FXN: variants seen among roughly 807,000 people sequenced by gnomAD.
FXN encodes frataxin, mitochondrial.
A neutral mutation model predicts 22.4 loss-of-function variants in FXN; 14 were observed. The ratio of observed to expected loss-of-function variants is 0.62; its 90% confidence interval spans 0.41 to 0.98. The LOEUF is 0.98. FXN is among the 50% of genes least tolerant of loss of function. The pLI is 0.00. For synonymous variants in FXN, 120 were observed against 114.1 expected (o/e 1.05, Z -0.33); for missense variants, 267 against 268.4 (o/e 0.99, Z 0.04).
At chr9:69,065,524 G>A (rs1832152908) in intron 4 of FXN, among the ~76,000 whole-genome samples, 1 of 140,806 alleles carries the variant, frequency 7.1e-6, no homozygotes, top group Admixed American at 7.5e-5. Flanking sequence ...CTGGGCAACA[G>A]GGCCAGACCC....
chr9:69,054,704 A>C (rs1421606524), intron 3 of FXN, among the ~76,000 whole-genome samples: 2 of 152,138 alleles, frequency 1.3e-5, no homozygotes, highest in East Asian at 3.9e-4. Flanking sequence ...ACAGTGTTTC[A>C]CCACGTTGGC....
At chr9:69,068,745 G>T (rs977682557) in intron 4 of FXN, among the ~76,000 whole-genome samples, 14 of 152,200 alleles carry the variant, frequency 9.2e-5, no homozygotes, top group African/African-American at 3.4e-4. Context: ...GCCAAGATGC[G>T]GCCAGCACCT....
At chr9:69,062,631 A>G (rs1832094712) in intron 3 of FXN, among the ~76,000 whole-genome samples, 1 of 152,084 alleles carries the variant, frequency 6.6e-6, no homozygotes, top group African/African-American at 2.4e-5. Context: ...CAGAAACACC[A>G]CCATAAATGT....
Position 69,053,209 on chromosome 9 carries a change from A to G in FXN, c.333A>G (p.Glu111=). Residue 111 remains glutamate (E), a synonymous_variant, in exon 3 of 5, where the codon GAA becomes GAG. Coordinates refer to ENST00000484259, the MANE Select transcript of FXN (RefSeq NM_000144.5). ...ETLDSLAEFF[E]DLADKPYTFE... Reference sequence around the variant, plus strand: ...TGGACTCTTTAGCAGAGTTTTTTGAAGACCTTGCAGACAAGCCATACACGT... The same window carrying G: ...TGGACTCTTTAGCAGAGTTTTTTGAGGACCTTGCAGACAAGCCATACACGT... 6.2e-7 allele frequency: 1 copy of G among 1,613,932 alleles called. No individual in the cohort carries two copies. The highest frequency in any genetic ancestry group is 8.5e-7 in the Non-Finnish European group (1 of 1,179,940).
chr9:69,037,440 G>C (rs1238023700), intron 1 of FXN, among the ~76,000 whole-genome samples: 1 of 151,770 alleles, frequency 6.6e-6, no homozygotes, highest in Admixed American at 6.6e-5. Flanking sequence ...ACTCCGGCCT[G>C]GGCGACAGAG....
chr9:69,074,586 A>C lies in FXN; in HGVS notation c.*1824A>C. The C allele has an allele frequency of 1.0e-6, 1 of 985,260 alleles. No homozygotes were observed. Among genetic ancestry groups the C allele is most frequent in the Non-Finnish European group, 1.2e-6 (1 of 829,850 alleles). 61.0% of individuals were successfully genotyped at this position (985,260 alleles called of 1,614,324 possible). On this transcript the variant is annotated 3_prime_UTR_variant, in exon 5 of 5. Coordinates refer to ENST00000484259, the MANE Select transcript of FXN (RefSeq NM_000144.5). Reference sequence around the variant, plus strand: ...TTAATATGTAGCAAAGGCTTTTCCAATGGGTGAATAAAAACACATTCCATT... The same window carrying C: ...TTAATATGTAGCAAAGGCTTTTCCACTGGGTGAATAAAAACACATTCCATT...
chr9:69,057,425 C>G (rs1204444858), intron 3 of FXN, among the ~76,000 whole-genome samples: 2 of 152,196 alleles, frequency 1.3e-5, no homozygotes, highest in Non-Finnish European at 2.9e-5. Flanking sequence ...GTAACCCATT[C>G]TTTCAAAGGA....
intron 3 of FXN, among the ~76,000 whole-genome samples, chr9:69,059,873 G>C (rs117950541): frequency 6.6e-6 from 1 of 152,164 alleles, no homozygotes; most frequent in Non-Finnish European, 1.5e-5. Flanking sequence ...TTTATAAGAG[G>C]ATCAATTAAA....
chr9:69,074,922 G>C lies in FXN; in HGVS notation c.*2160G>C, dbSNP rs1832339519. On this transcript the variant is annotated 3_prime_UTR_variant, in exon 5 of 5. Coordinates refer to ENST00000484259, the MANE Select transcript of FXN (RefSeq NM_000144.5). ...TATGTGTTTGCATCTTGCTTCTACT[G>C]AAAGTTTCAGTGCACCCCACTTACT... 1.0e-6 allele frequency: 1 copy of C among 985,272 alleles called. No homozygotes were observed. Among genetic ancestry groups the C allele is most frequent in the Admixed American group, 6.2e-5 (1 of 16,252 alleles). The allele number at this position is 985,272 out of a possible 1,614,324, so 61.0% of individuals were successfully genotyped here. A position where few individuals can be genotyped will look rare whatever the true frequency, so the allele number is the denominator to read the frequency against.
Position 69,078,670 on chromosome 9 carries a change from T to A in FXN, c.*5908T>A. The A allele has an allele frequency of 1.0e-6, 1 of 961,140 alleles. No individual in the cohort carries two copies. The highest frequency in any genetic ancestry group is 1.2e-6 in the Non-Finnish European group (1 of 822,532). The allele number at this position is 961,140 out of a possible 1,614,324, so 59.5% of individuals were successfully genotyped here. ...CAGCAATCCCAAATCCCCAGATCCC[T>A]AAGTGTGCTGTGCTATTTTCACGTG... On this transcript the variant is annotated 3_prime_UTR_variant, in exon 5 of 5. Transcript: ENST00000484259.
chr9:69,068,704 G>A (rs368943513), intron 4 of FXN, among the ~76,000 whole-genome samples: 2 of 152,214 alleles, frequency 1.3e-5, no homozygotes, highest in Admixed American at 6.5e-5. Context: ...GGGGAGAATC[G>A]GCCCAAGGTG....
intron 3 of FXN, among the ~76,000 whole-genome samples, chr9:69,053,710 A>C (rs898939329): frequency 6.6e-6 from 1 of 152,190 alleles, no homozygotes; most frequent in Non-Finnish European, 1.5e-5. Flanking sequence ...GTATTTGTCC[A>C]GCAGGCAGAT....
At chr9:69,054,015 G>GT (rs1047943567) in intron 3 of FXN, among the ~76,000 whole-genome samples, 26 of 151,212 alleles carry the variant, frequency 1.7e-4, no homozygotes, top group East Asian at 3.9e-4. Flanking sequence ...ATGAGAACTT[G>GT]TTTTTTTTTG....
intron 2 of FXN, 50 bp from the exon 3 acceptor site, chr9:69,053,090 A>C (rs186121774): frequency 1.3e-6 from 2 of 1,595,518 alleles, no homozygotes; most frequent in Non-Finnish European, 1.7e-6. Flanking sequence ...GATATTAATA[A>C]AATGGAAGCA....
At chr9:69,044,097 C>G (rs780563284) in intron 1 of FXN, among the ~76,000 whole-genome samples, 4 of 152,060 alleles carry the variant, frequency 2.6e-5, no homozygotes, top group Non-Finnish European at 5.9e-5. Context: ...ATATATTGAT[C>G]GATTGGTAAC....
rs761232462 is a variant in FXN at position 69,075,619 on chromosome 9, G to A, written c.*2857G>A. Reference sequence around the variant, plus strand: ...GGGAGCATCGCCTCATTTATGGTGTGGTCCAGTCATCCATGTGAAGGATGA... The same window carrying A: ...GGGAGCATCGCCTCATTTATGGTGTAGTCCAGTCATCCATGTGAAGGATGA... On this transcript the variant is annotated 3_prime_UTR_variant, in exon 5 of 5. Transcript: ENST00000484259. The A allele has an allele frequency of 7.8e-5, 77 of 985,186 alleles. No homozygotes were observed. Among genetic ancestry groups the A allele is most frequent in the Non-Finnish European group, 9.0e-5 (75 of 829,888 alleles). The allele number at this position is 985,186 out of a possible 1,614,324, so 61.0% of individuals were successfully genotyped here. A position where few individuals can be genotyped will look rare whatever the true frequency, so the allele number is the denominator to read the frequency against.
chr9:69,044,248 T>C (rs1406424459), intron 1 of FXN, among the ~76,000 whole-genome samples: 1 of 152,140 alleles, frequency 6.6e-6, no homozygotes, highest in Non-Finnish European at 1.5e-5. Context: ...CCTCACAGGA[T>C]TGTAATGAAG....
intron 3 of FXN, among the ~76,000 whole-genome samples, chr9:69,061,555 C>G (rs151145334): frequency 0.026 from 3,893 of 151,860 alleles, 161 homozygotes; most frequent in African/African-American, 0.088. Context: ...TGTTAGGGTA[C>G]ATGTGCACAA....
chr9:69,036,465 T>C (rs1210166663), intron 1 of FXN, among the ~76,000 whole-genome samples: 2 of 152,222 alleles, frequency 1.3e-5, no homozygotes, highest in African/African-American at 4.8e-5. Flanking sequence ...AATGCTTTCC[T>C]GGAACGAGGT....
Sources: allele counts gnomAD v4.1 joint callset (sites outside exome capture counted in the v4.1 genomes callset), GRCh38; gene constraint gnomAD v4.1.1; transcripts MANE v1.5; gene names NCBI Gene and HGNC (gene_info 2026-07-23, HGNC 2026-07-21).